The following EIF4G3 variants were observed in gnomAD, a reference collection of about 807,000 sequenced individuals.
EIF4G3 encodes the protein eIF-4-gamma 3.
In EIF4G3, 34 loss-of-function variants were observed where a neutral mutation model predicts 186.4. The observed-to-expected ratio is 0.18, with a 90% CI of 0.14 to 0.24. EIF4G3 has a LOEUF of 0.24. Among genes scored for constraint, EIF4G3 ranks in the 10% least tolerant of loss-of-function variants. The pLI, the probability that EIF4G3 is intolerant of heterozygous loss-of-function variation, is 1.00. For synonymous variants in EIF4G3, 673 were observed against 679.5 expected, an observed-to-expected ratio of 0.99 and a Z score of 0.15; for missense variants, 1,536 against 1,948.5, an observed-to-expected ratio of 0.79 and a Z score of 3.99.
At chr1:21,139,187 T>C (rs1454355769) in intron 2 of EIF4G3, among the ~76,000 whole-genome samples, 3 of 152,228 alleles carry the variant, frequency 2.0e-5, no homozygotes, top group Admixed American at 6.5e-5. Flanking sequence ...AACATCTTCC[T>C]CTACTCATTT....
chr1:21,013,981 C>G (rs1441881786), intron 4 of EIF4G3, among the ~76,000 whole-genome samples: 1 of 152,120 alleles, frequency 6.6e-6, no homozygotes, highest in Non-Finnish European at 1.5e-5. Flanking sequence ...ACCAGCCTGG[C>G]CTACATGGTG....
At chr1:21,113,127 G>A (rs2096755230) in intron 2 of EIF4G3, among the ~76,000 whole-genome samples, 1 of 130,068 alleles carries the variant, frequency 7.7e-6, no homozygotes, top group Admixed American at 9.1e-5. Context: ...CTCCGGCCTG[G>A]CTGATAGAGG....
At position 20,960,466 on chromosome 1, in the gene EIF4G3, T is replaced by TA. The variant is rs202136007; in HGVS notation, c.714+9007dup. ...GGGCAACAGAGACTCTGTTTCAAAA[T>TA]AAAAAAAAAATTCAGCTGGTGCAGT... On this transcript the variant is annotated intron_variant, in intron 12 of 36. Coordinates refer to ENST00000602326, the MANE Select transcript of EIF4G3 (RefSeq NM_001391906.1). Among the ~76,000 whole-genome samples, 604 of 149,442 alleles carry TA rather than the reference T, an allele frequency of 4.0e-3. 5 individuals are homozygous for TA. The highest frequency in any genetic ancestry group is 0.014 in the African/African-American group (569 of 40,770).
chr1:20,989,019 C>T (rs1383225306), intron 7 of EIF4G3, among the ~76,000 whole-genome samples: 3 of 114,098 alleles, frequency 2.6e-5, no homozygotes, highest in Admixed American at 1.2e-4. Context: ...CAGGTAACAT[C>T]GTGAGACCCT....
chr1:20,985,471 G>T (rs1278711151), intron 7 of EIF4G3, among the ~76,000 whole-genome samples: 1 of 150,582 alleles, frequency 6.6e-6, no homozygotes, highest in African/African-American at 2.5e-5. Context: ...ACACACACAC[G>T]TGCACCAGAA....
Position 20,857,528 on chromosome 1 carries a change from T to C in EIF4G3, c.3245-31A>G. On this transcript the variant is annotated intron_variant, in intron 24 of 36. Coordinates refer to ENST00000602326, the MANE Select transcript of EIF4G3 (RefSeq NM_001391906.1). ...GGGAGAACAGAGTGGGAGTCTCTCA[T>C]CTGTCTCAAGTCAGTTTTACATTGA... is the stretch of plus-strand genomic sequence containing the variant. The C allele has an allele frequency of 3.2e-6, 5 of 1,565,544 alleles. No homozygotes were observed. In the South Asian group the frequency reaches 4.4e-5, roughly 14 times the overall value.
intron 3 of EIF4G3, among the ~76,000 whole-genome samples, chr1:21,068,113 C>T (rs983821208): frequency 5.3e-5 from 8 of 151,904 alleles, no homozygotes; most frequent in African/African-American, 1.9e-4. Context: ...TGGCTCATGC[C>T]TATAATCCCA....
chr1:20,920,186 G>GTT (rs1236112537), intron 14 of EIF4G3, among the ~76,000 whole-genome samples: 1 of 152,198 alleles, frequency 6.6e-6, no homozygotes, highest in African/African-American at 2.4e-5. Flanking sequence ...GATTACAGGC[G>GTT]TGAGTCACTG....
At chr1:20,937,574 A>C (rs1010946372) in intron 14 of EIF4G3, among the ~76,000 whole-genome samples, 1 of 152,232 alleles carries the variant, frequency 6.6e-6, no homozygotes, top group African/African-American at 2.4e-5. Context: ...AAATAGAAAA[A>C]TTAGAAATCT....
intron 7 of EIF4G3, chr1:20,988,358 C>T (rs2080096709): frequency 5.9e-6 from 1 of 170,194 alleles, no homozygotes; most frequent in Non-Finnish European, 1.5e-5. Context: ...ATTGACTTCT[C>T]TTTAGCTAGG....
chr1:20,845,423 G>A (rs1299281158), intron 29 of EIF4G3, among the ~76,000 whole-genome samples: 1 of 152,182 alleles, frequency 6.6e-6, no homozygotes, highest in African/African-American at 2.4e-5. Context: ...AGCACTTTGG[G>A]AGGCCAAGGA....
At chr1:20,812,599 A>T (rs1209976997) in intron 35 of EIF4G3, among the ~76,000 whole-genome samples, 1 of 152,198 alleles carries the variant, frequency 6.6e-6, no homozygotes, top group African/African-American at 2.4e-5. Context: ...TTCATTGAAT[A>T]ATGTTAAACA....
At chr1:20,978,293 T>C (rs2077255143) in intron 10 of EIF4G3, among the ~76,000 whole-genome samples, 3 of 152,170 alleles carry the variant, frequency 2.0e-5, no homozygotes, top group African/African-American at 7.2e-5. Context: ...GTGATATATA[T>C]ATATATTGTG....
At chr1:20,925,571 C>A (rs80293314) in intron 14 of EIF4G3, among the ~76,000 whole-genome samples, 1 of 152,174 alleles carries the variant, frequency 6.6e-6, no homozygotes, top group Non-Finnish European at 1.5e-5. Context: ...TCTTGCTATG[C>A]TGCCCAAGTT....
chr1:20,845,282 T>C (rs888041379), intron 29 of EIF4G3, among the ~76,000 whole-genome samples: 13 of 152,324 alleles, frequency 8.5e-5, no homozygotes, highest in African/African-American at 2.9e-4. Context: ...TGTAGTCTTA[T>C]TTCTGGGTTC....
chr1:20,842,452 T>C (rs2068996868), intron 29 of EIF4G3, among the ~76,000 whole-genome samples: 1 of 152,132 alleles, frequency 6.6e-6, no homozygotes, highest in African/African-American at 2.4e-5. Context: ...ACTGTTACCT[T>C]TGCCTCCCAG....
Position 21,131,195 on chromosome 1 carries a change from A to G in EIF4G3, c.-271-41982T>C, listed in dbSNP as rs577549636. 2.0e-5 allele frequency among the ~76,000 whole-genome samples: 3 copies of G among 150,154 alleles called. No homozygotes were observed. The East Asian group carries it at 5.9e-4, about 29-fold the overall frequency. On this transcript the variant is annotated intron_variant, in intron 2 of 36. Coordinates refer to ENST00000602326, the MANE Select transcript of EIF4G3 (RefSeq NM_001391906.1). The stretch of plus-strand genomic sequence containing the variant: ...ATGGAGATTGCAGTGAGTCAAGATC[A>G]TGCCACTACACTCCAGCCTGGGCAA...
intron 7 of EIF4G3, chr1:20,988,328 A>G (rs1419016168): frequency 1.2e-5 from 2 of 170,382 alleles, no homozygotes; most frequent in Non-Finnish European, 2.9e-5. Context: ...ACAGCCATCT[A>G]TTGAAACAAG....
In EIF4G3 at chr1:20,833,334, G is replaced by T. The variant is rs534726030; in HGVS notation, c.4062-4062C>A. 1.5e-4 allele frequency among the ~76,000 whole-genome samples: 23 copies of T among 152,242 alleles called. 1 individual carries two copies. The South Asian group carries it at 4.6e-3, about 30-fold the overall frequency. On this transcript the variant is annotated intron_variant, in intron 30 of 36. Coordinates refer to ENST00000602326, the MANE Select transcript of EIF4G3 (RefSeq NM_001391906.1). ...CTTGAAGAGGTCCTTCAAGTCCCTT[G>T]TAAGTTGGATTCCTAGGTATTTTAT...
Sources: allele counts gnomAD v4.1 joint callset (sites outside exome capture counted in the v4.1 genomes callset), GRCh38; gene constraint gnomAD v4.1.1; transcripts MANE v1.5; gene names NCBI Gene and HGNC (gene_info 2026-07-23, HGNC 2026-07-21).